Variants in GK observed in about 807,000 individuals in gnomAD.
The protein encoded by GK is ATP:glycerol 3-phosphotransferase.
Under a neutral mutation model 56.4 loss-of-function variants are expected in GK, and 9 were observed. That is an observed-to-expected ratio of 0.16 (90% CI 0.10 to 0.28). The LOEUF is 0.28. GK is among the 10% of genes least tolerant of loss of function. GK has a pLI of 1.00. For synonymous variants in GK, 104 were observed against 144.1 expected, an observed-to-expected ratio of 0.72 and a Z score of 1.99; for missense variants, 161 against 431.4, an observed-to-expected ratio of 0.37 and a Z score of 5.55.
At chrX:30,692,158 G>C (rs1934971580) in intron 5 of GK, among the ~76,000 whole-genome samples, 1 of 110,988 alleles carries the variant, frequency 9.0e-6, no homozygotes, top group Non-Finnish European at 1.9e-5. Context: ...TAAAACTATT[G>C]TTGAAATCCC....
chrX:30,706,355 G>A (rs747831921), intron 11 of GK, among the ~76,000 whole-genome samples: 2 of 112,125 alleles, frequency 1.8e-5, no homozygotes, highest in Non-Finnish European at 3.8e-5. Context: ...CTGACTGGTG[G>A]TAGCTTCTTC....
intron 18 of GK, among the ~76,000 whole-genome samples, chrX:30,723,394 CAA>C (rs375486944): frequency 1.1e-5 from 1 of 94,124 alleles, no homozygotes; most frequent in Non-Finnish European, 2.2e-5. Flanking sequence ...GACTCAGTCT[CAA>C]AAAAAAAAAA....
chrX:30,695,331 A>C (rs781624344), intron 6 of GK, among the ~76,000 whole-genome samples: 2 of 112,222 alleles, frequency 1.8e-5, no homozygotes, highest in Non-Finnish European at 3.8e-5. Context: ...TGTCAGTCAC[A>C]GTTGAATGAG....
chrX:30,719,963 G>C, intron 15 of GK, 48 bp from the exon 16 acceptor site: 5 of 831,598 alleles, frequency 6.0e-6, no homozygotes, highest in Middle Eastern at 3.3e-4. Flanking sequence ...ATTTCAAATT[G>C]ATTGGTTTAT....
intron 4 of GK, chrX:30,689,385 A>G (rs1218113446): frequency 3.4e-6 from 1 of 293,707 alleles, no homozygotes; most frequent in Admixed American, 3.5e-5. Flanking sequence ...AATGGCTTGT[A>G]TCAATCACAG....
chrX:30,721,328 G>A (rs988516333), intron 18 of GK: 8 of 238,962 alleles, frequency 3.3e-5, no homozygotes, highest in African/African-American at 2.7e-4. Context: ...GTCTCACTTT[G>A]TTGCCCAGGC....
At chrX:30,722,790 G>A (rs1027654113) in intron 18 of GK, among the ~76,000 whole-genome samples, 6 of 110,872 alleles carry the variant, frequency 5.4e-5, no homozygotes, top group East Asian at 5.7e-4. Context: ...AAGAGAGAGG[G>A]GGGGATAGAA....
At chrX:30,656,864 T>TA (rs1932326391) in intron 1 of GK, among the ~76,000 whole-genome samples, 1 of 112,659 alleles carries the variant, frequency 8.9e-6, no homozygotes, top group Admixed American at 9.4e-5. Flanking sequence ...TTATTTTATT[T>TA]TTTTGAGACA....
At chrX:30,659,441 G>C (rs1302018308) in intron 1 of GK, among the ~76,000 whole-genome samples, 1 of 112,662 alleles carries the variant, frequency 8.9e-6, no homozygotes, top group Non-Finnish European at 1.9e-5. Flanking sequence ...CATATTTGTG[G>C]CTAATATTTT....
intron 19 of GK, among the ~76,000 whole-genome samples, chrX:30,725,827 T>C (rs978467093): frequency 8.2e-5 from 9 of 110,301 alleles, no homozygotes; most frequent in African/African-American, 3.0e-4. Context: ...AATTTTTTTG[T>C]ATTTTTAGTA....
rs143050127 is a variant in GK, at chrX:30,720,364, A to T, written c.1237-257A>T. Among the ~76,000 whole-genome samples the T allele has an allele frequency of 3.2e-3, 353 of 111,767 alleles. 1 individual carries two copies. The highest frequency in any genetic ancestry group is 0.011 in the African/African-American group (334 of 30,741). On this transcript the variant is annotated intron_variant, in intron 16 of 20. Coordinates refer to ENST00000427190, the MANE Select transcript of GK (RefSeq NM_001205019.2). ...TAGGCAAAGGAAACAGCACAAACATAGGCATCAAGGCAGAAAAACAGGGTG... is the reference window on the plus strand; with the variant it reads ...TAGGCAAAGGAAACAGCACAAACATTGGCATCAAGGCAGAAAAACAGGGTG...
At chrX:30,683,037 A>G (rs770572120) in intron 4 of GK, among the ~76,000 whole-genome samples, 12 of 111,144 alleles carry the variant, frequency 1.1e-4, no homozygotes, top group Non-Finnish European at 1.9e-5. Context: ...TAAGATTTTA[A>G]CATACGAATT....
chrX:30,719,910 G>T, intron 15 of GK, 101 bp from the exon 16 acceptor site: 1 of 573,283 alleles, frequency 1.7e-6, no homozygotes, highest in East Asian at 3.4e-5. Flanking sequence ...TTCTCTTCCT[G>T]GACATTTCTG....
At chrX:30,684,050 T>C (rs1190669133) in intron 4 of GK, among the ~76,000 whole-genome samples, 6 of 52,132 alleles carry the variant, frequency 1.2e-4, no homozygotes, top group Non-Finnish European at 2.3e-4. Context: ...ATGGTCTACA[T>C]AACTGGTTGT....
At chrX:30,720,795 A>G (rs1936858460) in intron 17 of GK, 54 bp downstream of exon 17, 8 of 1,207,033 alleles carry the variant, frequency 6.6e-6, no homozygotes, top group Non-Finnish European at 9.0e-6. Flanking sequence ...TTGTGGAATA[A>G]CTAGTTCTTT....
intron 4 of GK, among the ~76,000 whole-genome samples, chrX:30,686,312 G>T (rs1045261544): frequency 2.7e-5 from 3 of 112,398 alleles, no homozygotes; most frequent in African/African-American, 9.7e-5. Flanking sequence ...ATAGTAAAAT[G>T]CCATAACTAA....
intron 18 of GK, chrX:30,721,783 G>C (rs1376678227): frequency 5.3e-5 from 6 of 112,391 alleles, no homozygotes; most frequent in Non-Finnish European, 9.4e-5. Context: ...ATTTAAGTAA[G>C]TGAACATTAG....
intron 13 of GK, among the ~76,000 whole-genome samples, chrX:30,710,388 T>C (rs761276526): frequency 1.8e-5 from 2 of 111,923 alleles, no homozygotes; most frequent in Non-Finnish European, 3.8e-5. Context: ...CACATACGCA[T>C]ACTAATATGT....
chrX:30,718,526 T>G lies in GK; in HGVS notation c.976-12T>G. 8.7e-7 allele frequency: 1 copy of G among 1,154,304 alleles called. No individual in the cohort carries two copies. ...AAAATATATTCTGTCTTGAATTCCT[T>G]TTTTTCTTTAGGGTTCTGTAGCTAT... On this transcript the variant is annotated splice_polypyrimidine_tract_variant and intron_variant, in intron 13 of 20. Coordinates refer to ENST00000427190, the MANE Select transcript of GK (RefSeq NM_001205019.2).
Sources: gnomAD v4.1 joint callset for allele counts (sites outside exome capture counted in the v4.1 genomes callset) on GRCh38, gnomAD v4.1.1 for gene constraint, MANE v1.5 for transcripts, NCBI Gene and HGNC (gene_info 2026-07-23, HGNC 2026-07-21) for gene names.